The following WDHD1 variants were observed in gnomAD, a reference collection of about 807,000 sequenced individuals.
WDHD1 encodes WD repeat and HMG-box DNA-binding protein 1.
In WDHD1, 111 loss-of-function variants were observed where a neutral mutation model predicts 135.4. That is an observed-to-expected ratio of 0.82 (90% CI 0.70 to 0.96). The LOEUF (loss-of-function observed/expected upper bound fraction) is 0.96. Ranked by LOEUF, WDHD1 falls within the 40% of genes least tolerant of loss-of-function variation. The pLI is 0.00. For missense variants in WDHD1, 1,351 were observed against 1,336.3 expected (o/e 1.01, Z -0.17); for synonymous variants, 434 against 439.0 (o/e 0.99, Z 0.14).
chr14:54,955,076 C>T (rs2041130037), intron 24 of WDHD1, among the ~76,000 whole-genome samples: 1 of 152,050 alleles, frequency 6.6e-6, no homozygotes, highest in Non-Finnish European at 1.5e-5. Context: ...GCTACAAAAG[C>T]TATTGTTAAG....
chr14:54,987,259 A>G lies in WDHD1; in HGVS notation c.1655T>C (p.Leu552Pro), dbSNP rs1054046791. The change falls in exon 14 of 26, where the codon CTG becomes CCG. Residue 552 changes from leucine (L) to proline (P), a missense_variant. By Grantham distance (98) the Leu-to-Pro change is moderately conservative. Around this residue, in one of 2 missense-constraint regions of WDHD1, gnomAD observed 1,330 missense variants for 1,296.1 expected, o/e 1.03. Transcript: ENST00000360586. The part of the protein sequence containing the change: ...QGWAAAATSA[L>P]LLRLFTIGGV... ...TCCAATAGTAAACAATCGAAGAAGC[A>G]GGGCACTAGTAGCGGCAGCAGCCCA... 6.2e-7 allele frequency: 1 copy of G among 1,614,164 alleles called. No individual in the cohort carries two copies. The highest frequency in any genetic ancestry group is 8.5e-7 in the Non-Finnish European group (1 of 1,180,024).
At chr14:54,979,300 T>A (rs2041579457) in intron 16 of WDHD1, among the ~76,000 whole-genome samples, 1 of 152,054 alleles carries the variant, frequency 6.6e-6, no homozygotes, top group South Asian at 2.1e-4. Flanking sequence ...TATAGGTGTG[T>A]GCCATCATGC....
At chr14:55,020,130 G>A (rs1242035142) in intron 2 of WDHD1, among the ~76,000 whole-genome samples, 3 of 152,122 alleles carry the variant, frequency 2.0e-5, no homozygotes, top group African/African-American at 7.2e-5. Flanking sequence ...TTCTTCTGGG[G>A]TCACTGCTTC....
At chr14:54,959,940 G>A (rs995566504) in intron 21 of WDHD1, among the ~76,000 whole-genome samples, 3 of 152,148 alleles carry the variant, frequency 2.0e-5, no homozygotes, top group Non-Finnish European at 4.4e-5. Context: ...GTGCCTCCCT[G>A]ATTCATGAAT....
intron 2 of WDHD1, among the ~76,000 whole-genome samples, chr14:55,015,712 T>C (rs2140228885): frequency 6.6e-6 from 1 of 152,188 alleles, no homozygotes; most frequent in African/African-American, 2.4e-5. Flanking sequence ...TTTTTTTTTT[T>C]TTTTGAGACA....
At chr14:54,942,020 G>A (rs1333012575) in intron 25 of WDHD1, among the ~76,000 whole-genome samples, 1 of 152,108 alleles carries the variant, frequency 6.6e-6, no homozygotes, top group Non-Finnish European at 1.5e-5. Flanking sequence ...GGAGGCCGAG[G>A]TGGGTGGATC....
rs770146933 is a variant in WDHD1, at chr14:54,981,544, G to C, written c.2059C>G (p.Leu687Val). The part of the protein sequence containing the change: ...VVGIHENPQQ[L>V]RCIPCKGSRF... ...AGACTTCTTTTAATAGCCCACCTTA[G>C]TTGCTGGGGATTTTCATGGATACCA... Residue 687 changes from leucine to valine, a missense_variant, in exon 16 of 26, where the codon CTA (leucine) becomes GTA (valine). Leu to Val is a conservative substitution (Grantham distance 32). Transcript: ENST00000360586. The C allele has an allele frequency of 1.9e-6, 3 of 1,609,798 alleles. No homozygotes were observed. The South Asian group carries it at 3.3e-5, about 18-fold the overall frequency.
chr14:54,971,939 A>C (rs1453289886), intron 16 of WDHD1, among the ~76,000 whole-genome samples: 1 of 151,940 alleles, frequency 6.6e-6, no homozygotes, highest in African/African-American at 2.4e-5. Context: ...ATAATCCCAG[A>C]ACTTTGGGAG....
At chr14:54,946,642 C>T (rs1462272013) in intron 24 of WDHD1, among the ~76,000 whole-genome samples, 1 of 152,150 alleles carries the variant, frequency 6.6e-6, no homozygotes, top group Non-Finnish European at 1.5e-5. Context: ...TGCCACCACA[C>T]ACACCTGGCT....
intron 14 of WDHD1, 46 bp downstream of exon 14, chr14:54,987,096 CAAGT>C: frequency 6.3e-6 from 10 of 1,595,248 alleles, no homozygotes; most frequent in Non-Finnish European, 8.5e-6. Flanking sequence ...CAAAAAAGCT[CAAGT>C]AATTTCCATT....
chr14:54,954,937 C>G (rs1313675702), intron 24 of WDHD1, among the ~76,000 whole-genome samples: 3 of 152,162 alleles, frequency 2.0e-5, no homozygotes, highest in Non-Finnish European at 4.4e-5. Context: ...CCATGTTGGT[C>G]AGGCTGGTCT....
At chr14:54,981,444 T>G in intron 16 of WDHD1, 96 bp downstream of exon 16, 1 of 1,226,532 alleles carries the variant, frequency 8.2e-7, no homozygotes, top group Non-Finnish European at 1.1e-6. Context: ...GTAATTGGAC[T>G]AAGATAAAAG....
At chr14:54,972,884 C>A (rs1426768771) in intron 16 of WDHD1, among the ~76,000 whole-genome samples, 1 of 152,156 alleles carries the variant, frequency 6.6e-6, no homozygotes, top group East Asian at 1.9e-4. Context: ...AGACTATAAT[C>A]TATATCTACT....
At chr14:55,021,426 A>G (rs1439851420) in intron 2 of WDHD1, among the ~76,000 whole-genome samples, 1 of 146,970 alleles carries the variant, frequency 6.8e-6, no homozygotes, top group Non-Finnish European at 1.5e-5. Context: ...TTTTTTGGAG[A>G]CAGAGTTTTG....
rs187068170 is a variant in WDHD1 at position 54,962,254 on chromosome 14, C to T, written c.2701+244G>A. ...ATAGCATTAAAACAGAGATCAACCA[C>T]ACATGTCTGTTTGACTTCTGTATCC... On this transcript the variant is annotated intron_variant, in intron 21 of 25. Coordinates refer to ENST00000360586, the MANE Select transcript of WDHD1 (RefSeq NM_007086.4). Among the ~76,000 whole-genome samples, 404 of 152,304 alleles carry T rather than the reference C, an allele frequency of 2.7e-3. 1 individual carries two copies. The highest frequency in any genetic ancestry group is 9.0e-3 in the African/African-American group (372 of 41,556).
At chr14:54,994,985 T>C (rs2041853652) in intron 11 of WDHD1, among the ~76,000 whole-genome samples, 4 of 152,162 alleles carry the variant, frequency 2.6e-5, no homozygotes, top group Admixed American at 2.6e-4. Context: ...TTTATTGATC[T>C]TTTCTTTTCT....
At chr14:55,008,534 T>C in intron 5 of WDHD1, 74 bp downstream of exon 5, 1 of 1,477,840 alleles carries the variant, frequency 6.8e-7, no homozygotes, top group Non-Finnish European at 9.2e-7. Flanking sequence ...AGAAAATTTT[T>C]TAGAGAGTTA....
At chr14:54,983,161 G>A (rs190666352) in intron 15 of WDHD1, among the ~76,000 whole-genome samples, 5 of 151,766 alleles carry the variant, frequency 3.3e-5, no homozygotes, top group African/African-American at 7.3e-5. Context: ...GAGACTCTGC[G>A]TCAAAAAAAC....
chr14:54,971,751 T>C (rs946380235), intron 16 of WDHD1, among the ~76,000 whole-genome samples: 1 of 118,930 alleles, frequency 8.4e-6, no homozygotes, highest in African/African-American at 3.2e-5. Context: ...TCCCACAGAA[T>C]GCAAGAAAAT....
Sources: gnomAD v4.1 joint callset for allele counts (sites outside exome capture counted in the v4.1 genomes callset) on GRCh38, gnomAD v4.1.1 for gene constraint, gnomAD v4.1.1 regional missense constraint, MANE v1.5 for transcripts, NCBI Gene and HGNC (gene_info 2026-07-23, HGNC 2026-07-21) for gene names.